Variants in SEMA3C observed in about 807,000 individuals in gnomAD.
The protein encoded by SEMA3C is semaphorin-3C.
A neutral mutation model predicts 89.4 loss-of-function variants in SEMA3C; 47 were observed. The ratio of observed to expected loss-of-function variants is 0.53; its 90% CI spans 0.42 to 0.67. The LOEUF is 0.67. SEMA3C is among the 30% of genes least tolerant of loss of function. The probability of loss-of-function intolerance (pLI) is 0.00; values close to 1 mark genes in which losing one functional copy is unlikely to be tolerated. For synonymous variants in SEMA3C, 310 were observed against 320.2 expected (o/e 0.97, Z 0.34); for missense variants, 839 against 929.1 (o/e 0.90, Z 1.26).
chr7:80,770,033 T>C (rs564052821), intron 12 of SEMA3C, among the ~76,000 whole-genome samples: 21 of 152,304 alleles, frequency 1.4e-4, no homozygotes, highest in African/African-American at 4.8e-4. Flanking sequence ...CCTTGCGCTG[T>C]ATCATTTACT....
At chr7:80,850,099 C>T (rs528529278) in intron 2 of SEMA3C, among the ~76,000 whole-genome samples, 1 of 152,052 alleles carries the variant, frequency 6.6e-6, no homozygotes, top group Admixed American at 6.5e-5. Context: ...GTTACATGAC[C>T]GGCTCAAACT....
At chr7:80,763,769 C>T (rs1320101118) in intron 13 of SEMA3C, among the ~76,000 whole-genome samples, 1 of 151,928 alleles carries the variant, frequency 6.6e-6, no homozygotes, top group African/African-American at 2.4e-5. Context: ...ATTATTTTAG[C>T]AAGCCAAGTT....
intron 11 of SEMA3C, 27 bp downstream of exon 11, chr7:80,798,065 A>G (rs1397351275): frequency 6.3e-7 from 1 of 1,582,550 alleles, no homozygotes; most frequent in South Asian, 1.2e-5. Flanking sequence ...AAAGCATCAT[A>G]ACAAAGAATT....
intron 2 of SEMA3C, among the ~76,000 whole-genome samples, chr7:80,854,948 C>T (rs953108000): frequency 1.3e-5 from 2 of 152,120 alleles, no homozygotes; most frequent in Non-Finnish European, 2.9e-5. Context: ...TGCCAACAGA[C>T]ATTTTGAAGC....
chr7:80,854,787 G>C (rs1790595846), intron 2 of SEMA3C, among the ~76,000 whole-genome samples: 1 of 152,248 alleles, frequency 6.6e-6, no homozygotes, highest in South Asian at 2.1e-4. Context: ...GAAAGACCAA[G>C]AACAACTTTT....
intron 12 of SEMA3C, among the ~76,000 whole-genome samples, chr7:80,773,049 A>T (rs1017273800): frequency 3.9e-5 from 6 of 152,194 alleles, no homozygotes; most frequent in Non-Finnish European, 8.8e-5. Flanking sequence ...CGTGAGAGAA[A>T]AACAGTATAA....
intron 1 of SEMA3C, among the ~76,000 whole-genome samples, chr7:80,917,564 A>C (rs1440684084): frequency 6.6e-6 from 1 of 152,234 alleles, no homozygotes; most frequent in Non-Finnish European, 1.5e-5. Flanking sequence ...GATAAATCAA[A>C]GAGACAGGTG....
chr7:80,771,545 C>T (rs1262869180), intron 12 of SEMA3C, among the ~76,000 whole-genome samples: 1 of 152,190 alleles, frequency 6.6e-6, no homozygotes. Flanking sequence ...TTTCCACTGT[C>T]TCTAGCCAAG....
intron 2 of SEMA3C, among the ~76,000 whole-genome samples, chr7:80,887,365 CTG>C: frequency 6.7e-6 from 1 of 150,236 alleles, no homozygotes; most frequent in East Asian, 1.9e-4. Flanking sequence ...GTGAGTTTCT[CTG>C]TGAGTTTCTC....
chr7:80,782,407 C>A (rs747987109), intron 12 of SEMA3C, among the ~76,000 whole-genome samples: 1 of 152,118 alleles, frequency 6.6e-6, no homozygotes, highest in African/African-American at 2.4e-5. Flanking sequence ...CCAATGCTAA[C>A]GCTGACTGTC....
intron 2 of SEMA3C, among the ~76,000 whole-genome samples, chr7:80,831,578 A>T (rs546643762): frequency 6.6e-6 from 1 of 152,194 alleles, no homozygotes; most frequent in Non-Finnish European, 1.5e-5. Context: ...ATCTACTCAA[A>T]TTAATCAGGA....
chr7:80,837,990 T>C (rs1486189333), intron 2 of SEMA3C, among the ~76,000 whole-genome samples: 2 of 152,212 alleles, frequency 1.3e-5, no homozygotes, highest in South Asian at 2.1e-4. Context: ...TCATTCACAT[T>C]CTACCATTTT....
At chr7:80,761,545 T>C (rs1209658547) in intron 14 of SEMA3C, 71 bp downstream of exon 14, 1 of 835,174 alleles carries the variant, frequency 1.2e-6, no homozygotes, top group South Asian at 1.6e-5. Flanking sequence ...ATTCAGAAGT[T>C]ATAAAATATA....
chr7:80,834,327 C>T (rs1790077717), intron 2 of SEMA3C, among the ~76,000 whole-genome samples: 1 of 152,094 alleles, frequency 6.6e-6, no homozygotes, highest in Admixed American at 6.5e-5. Flanking sequence ...ATATGCTTAC[C>T]TAAAATTCAT....
intron 2 of SEMA3C, among the ~76,000 whole-genome samples, 165 bp downstream of exon 2, chr7:80,916,514 T>C (rs1329959891): frequency 1.3e-5 from 2 of 152,214 alleles, no homozygotes; most frequent in African/African-American, 4.8e-5. Flanking sequence ...TCTTTGTCTA[T>C]TAACCAATCA....
At chr7:80,906,183 AT>A (rs1249102228) in intron 2 of SEMA3C, among the ~76,000 whole-genome samples, 1 of 152,336 alleles carries the variant, frequency 6.6e-6, no homozygotes, top group African/African-American at 2.4e-5. Context: ...ATACGTATGT[AT>A]CTTGAAAAAT....
chr7:80,818,120 G>A (rs574731747), intron 5 of SEMA3C, among the ~76,000 whole-genome samples, 179 bp downstream of exon 5: 2 of 151,530 alleles, frequency 1.3e-5, no homozygotes, highest in Non-Finnish European at 2.9e-5. Flanking sequence ...TTTAGCTGAA[G>A]GCAAAAGGTG....
intron 6 of SEMA3C, among the ~76,000 whole-genome samples, chr7:80,808,588 GAGAA>G (rs1436678402): frequency 6.6e-6 from 1 of 152,030 alleles, no homozygotes; most frequent in Non-Finnish European, 1.5e-5. Flanking sequence ...TTCCAGATAT[GAGAA>G]AGAAAGATGA....
rs113126352 is a variant in SEMA3C at position 80,769,864 on chromosome 7, C to A, written c.1355-4621G>T. Among the ~76,000 whole-genome samples, 464 of 46,740 alleles carry A rather than the reference C, an allele frequency of 9.9e-3. 6 individuals are homozygous for A. The highest frequency in any genetic ancestry group is 0.036 in the Middle Eastern group (2 of 56). 30.7% of individuals were successfully genotyped at this position (46,740 alleles called of 152,430 possible). A position where few individuals can be genotyped will look rare whatever the true frequency, so the allele number is the denominator to read the frequency against. ...ATAGAGCAAGACTCTGTCCCCCCCC[C>A]AAAAAAAAAAAAAAAAAAAAAAAAC... On this transcript the variant is annotated intron_variant, in intron 12 of 17. Transcript: ENST00000265361.
Sources: gnomAD v4.1 joint callset for allele counts (sites outside exome capture counted in the v4.1 genomes callset) on GRCh38, gnomAD v4.1.1 for gene constraint, MANE v1.5 for transcripts, NCBI Gene and HGNC (gene_info 2026-07-23, HGNC 2026-07-21) for gene names.